EVI5: variants seen among roughly 807,000 people sequenced by gnomAD.
EVI5 encodes ecotropic viral integration site 5.
EVI5 carries 73 observed loss-of-function variants against 112.0 expected under a neutral mutation model. The ratio of observed to expected loss-of-function variants is 0.65; its 90% confidence interval spans 0.54 to 0.79. The LOEUF is 0.79. EVI5 is among the 30% of genes least tolerant of loss of function. EVI5 has a pLI of 0.00. For missense variants in EVI5, 900 were observed against 968.8 expected (o/e 0.93, Z 0.94); for synonymous variants, 305 against 319.9 (o/e 0.95, Z 0.50).
At chr1:92,614,840 T>TTATATATATA (rs561640520) in intron 16 of EVI5, among the ~76,000 whole-genome samples, 8 of 12,598 alleles carry the variant, frequency 6.4e-4, no homozygotes, top group African/African-American at 8.5e-4. Flanking sequence ...ATGTTATATT[T>TTATATATATA]TATATATATA....
At chr1:92,550,941 A>G (rs897941210) in intron 19 of EVI5, among the ~76,000 whole-genome samples, 4 of 145,866 alleles carry the variant, frequency 2.7e-5, no homozygotes, top group African/African-American at 5.0e-5. Context: ...TAATAGATGT[A>G]TATTAAGAAA....
chr1:92,774,656 A>C (rs933923328), intron 1 of EVI5, among the ~76,000 whole-genome samples: 1 of 152,232 alleles, frequency 6.6e-6, no homozygotes, highest in South Asian at 2.1e-4. Flanking sequence ...AAGACACTAA[A>C]TAGCAAAAAC....
At chr1:92,772,303 TA>T (rs1163498221) in intron 1 of EVI5, among the ~76,000 whole-genome samples, 2 of 151,852 alleles carry the variant, frequency 1.3e-5, no homozygotes, top group African/African-American at 2.4e-5. Context: ...TTAACAGATA[TA>T]AAAAGAAACT....
At chr1:92,696,660 T>C (rs777800189) in intron 6 of EVI5, among the ~76,000 whole-genome samples, 1 of 151,414 alleles carries the variant, frequency 6.6e-6, no homozygotes, top group Non-Finnish European at 1.5e-5. Flanking sequence ...AAAAAAATCA[T>C]CTCAAAACCT....
Position 92,775,980 on chromosome 1 carries a change from C to T in EVI5, c.-82+8856G>A, listed in dbSNP as rs563201114. Among the ~76,000 whole-genome samples, 15 of 151,852 alleles carry T rather than the reference C, an allele frequency of 9.9e-5. No individual in the cohort carries two copies. In the South Asian group the frequency reaches 2.5e-3, roughly 25 times the overall value. ...AAAATTAGCCAGGCGTGGTGGTGGG[C>T]GCCTGTAGTCCCAGCTACTTGGGAG... On this transcript the variant is annotated intron_variant, in intron 1 of 19. Transcript: ENST00000684568.
At chr1:92,709,258 G>A (rs750667397) in intron 2 of EVI5, among the ~76,000 whole-genome samples, 1 of 152,096 alleles carries the variant, frequency 6.6e-6, no homozygotes, top group Admixed American at 6.6e-5. Context: ...GTCTTAATAG[G>A]TATGTGGGTT....
chr1:92,723,404 G>T (rs928807342), intron 2 of EVI5, among the ~76,000 whole-genome samples: 46 of 152,322 alleles, frequency 3.0e-4, no homozygotes, highest in African/African-American at 1.1e-3. Context: ...AAATTGTGAA[G>T]ATTTCATGGA....
At chr1:92,595,384 G>A (rs1647469660) in intron 18 of EVI5, among the ~76,000 whole-genome samples, 1 of 151,980 alleles carries the variant, frequency 6.6e-6, no homozygotes, top group Admixed American at 6.6e-5. Context: ...ACGGACACAG[G>A]AAGGGGAACA....
At chr1:92,711,035 A>G (rs982002039) in intron 2 of EVI5, among the ~76,000 whole-genome samples, 6 of 152,178 alleles carry the variant, frequency 3.9e-5, no homozygotes, top group African/African-American at 1.4e-4. Flanking sequence ...CAGAGTACAG[A>G]CTTCACGATG....
intron 18 of EVI5, among the ~76,000 whole-genome samples, chr1:92,594,447 T>C (rs956837428): frequency 2.6e-5 from 4 of 151,040 alleles, no homozygotes; most frequent in Admixed American, 6.6e-5. Flanking sequence ...ATGTTAGACC[T>C]AAAACCATAA....
At chr1:92,590,987 C>T (rs778066274) in intron 18 of EVI5, among the ~76,000 whole-genome samples, 2 of 152,142 alleles carry the variant, frequency 1.3e-5, no homozygotes, top group Non-Finnish European at 2.9e-5. Context: ...GAATTTTCAA[C>T]CCAGAATTTC....
chr1:92,671,794 C>A (rs1242125019), intron 10 of EVI5, among the ~76,000 whole-genome samples: 2 of 143,760 alleles, frequency 1.4e-5, no homozygotes, highest in Non-Finnish European at 3.0e-5. Context: ...TCAGTCCAAG[C>A]CACCATCATC....
chr1:92,612,268 A>T (rs1266578490), intron 16 of EVI5, among the ~76,000 whole-genome samples: 2 of 152,182 alleles, frequency 1.3e-5, no homozygotes, highest in African/African-American at 4.8e-5. Context: ...TAAATCCAAT[A>T]AAGAGGAGGA....
chr1:92,764,919 A>G lies in EVI5; in HGVS notation c.-82+19917T>C, dbSNP rs142169723. Among the ~76,000 whole-genome samples the G allele has an allele frequency of 2.7e-3, 416 of 152,334 alleles. 2 individuals carry two copies. In the East Asian group the frequency reaches 0.029, roughly 11 times the overall value. On this transcript the variant is annotated intron_variant, in intron 1 of 19. Coordinates refer to ENST00000684568, the MANE Select transcript of EVI5 (RefSeq NM_001350197.2). ...AAAATTATGTCTTATTTAATGTTATATGCTTCGGTAAACACAATCTATAAA... is the reference window on the plus strand; with the variant it reads ...AAAATTATGTCTTATTTAATGTTATGTGCTTCGGTAAACACAATCTATAAA...
chr1:92,560,538 C>T (rs145070801), intron 19 of EVI5, among the ~76,000 whole-genome samples: 3 of 152,108 alleles, frequency 2.0e-5, no homozygotes, highest in Admixed American at 6.5e-5. Flanking sequence ...TGCTATGCTG[C>T]TATACAAAAC....
At chr1:92,738,841 C>G (rs1457388754) in intron 1 of EVI5, among the ~76,000 whole-genome samples, 1 of 152,100 alleles carries the variant, frequency 6.6e-6, no homozygotes, top group Non-Finnish European at 1.5e-5. Flanking sequence ...AAACTTCCAC[C>G]CTGCCACCTC....
intron 13 of EVI5, among the ~76,000 whole-genome samples, chr1:92,639,411 T>A (rs1331041122): frequency 6.6e-6 from 1 of 151,882 alleles, no homozygotes; most frequent in Non-Finnish European, 1.5e-5. Flanking sequence ...AAAAAAAATT[T>A]CAATATTTGA....
intron 16 of EVI5, among the ~76,000 whole-genome samples, chr1:92,610,889 T>C (rs564704916): frequency 3.8e-4 from 58 of 151,372 alleles, no homozygotes; most frequent in East Asian, 7.7e-4. Context: ...CAGGTGGGAA[T>C]TGAACAATGA....
intron 16 of EVI5, 21 bp downstream of exon 16, chr1:92,624,155 T>C: frequency 1.3e-6 from 2 of 1,598,790 alleles, no homozygotes; most frequent in Non-Finnish European, 1.7e-6. Context: ...TTTTTAAAGA[T>C]ACTGGGCTTT....
Sources: gnomAD v4.1 joint callset for allele counts (sites outside exome capture counted in the v4.1 genomes callset) on GRCh38, gnomAD v4.1.1 for gene constraint, MANE v1.5 for transcripts, NCBI Gene and HGNC (gene_info 2026-07-23, HGNC 2026-07-21) for gene names.